The following PRDM15 variants were observed in gnomAD, a reference collection of about 807,000 sequenced individuals.
The protein encoded by PRDM15 is PR domain zinc finger protein 15.
In PRDM15, 64 loss-of-function variants were observed where a neutral mutation model predicts 128.6. The observed-to-expected ratio is 0.50, with a 90% CI of 0.41 to 0.61. The LOEUF is 0.61. PRDM15 is among the 20% of genes least tolerant of loss of function. The probability of loss-of-function intolerance (pLI) is 0.00; values close to 1 mark genes in which losing one functional copy is unlikely to be tolerated. For synonymous variants in PRDM15, 615 were observed against 621.8 expected (o/e 0.99, Z 0.16); for missense variants, 1,242 against 1,569.1 (o/e 0.79, Z 3.52).
chr21:41,853,834 A>C (rs1245829983), intron 5 of PRDM15, among the ~76,000 whole-genome samples: 1 of 152,214 alleles, frequency 6.6e-6, no homozygotes, highest in Non-Finnish European at 1.5e-5. Context: ...AGGCCATTGC[A>C]CGGTGAGCAG....
At chr21:41,870,574 G>A (rs1160231453) in intron 1 of PRDM15, 1 of 152,238 alleles carries the variant, frequency 6.6e-6, no homozygotes, top group Non-Finnish European at 1.5e-5. Flanking sequence ...GGTGGGTGGA[G>A]ACGGACTCTG....
intron 1 of PRDM15, among the ~76,000 whole-genome samples, chr21:41,875,266 A>T (rs934805222): frequency 6.6e-6 from 1 of 152,160 alleles, no homozygotes; most frequent in Non-Finnish European, 1.5e-5. Flanking sequence ...GTCCCTCTAC[A>T]TGCAGCACTT....
In PRDM15 at chr21:41,879,292, G is replaced by A. The variant is rs1450124846; in HGVS notation, c.-32C>T. On this transcript the variant is annotated 5_prime_UTR_variant, in exon 1 of 24. Coordinates refer to ENST00000398548, the MANE Select transcript of PRDM15 (RefSeq NM_001040424.3). The surrounding 1 kb of genome is among the most constrained non-coding windows in gnomAD (Gnocchi z 5.1). Reference sequence around the variant, plus strand: ...TACCTGCCTTTGGAATGTGCAGAGCGGGATCGGATCCGGACTCCGGGTTGC... The same window carrying A: ...TACCTGCCTTTGGAATGTGCAGAGCAGGATCGGATCCGGACTCCGGGTTGC... The A allele has an allele frequency of 1.9e-6, 2 of 1,078,344 alleles. No homozygotes were observed. The highest frequency in any genetic ancestry group is 2.3e-6 in the Non-Finnish European group (2 of 879,412). The allele number at this position is 1,078,344 out of a possible 1,614,324, so 66.8% of individuals were successfully genotyped here.
chr21:41,798,779 T>C lies in PRDM15; in HGVS notation c.*2461A>G, dbSNP rs2061355363. The stretch of plus-strand genomic sequence containing the variant: ...TTAAAAAACGAAATACTTCCTGTCA[T>C]GATGATCAATATGCAGAACTGCGTA... On this transcript the variant is annotated 3_prime_UTR_variant, in exon 24 of 24. Transcript: ENST00000398548. 6.6e-6 allele frequency: 1 copy of C among 152,262 alleles called. No homozygotes were observed. Among genetic ancestry groups the C allele is most frequent in the African/African-American group, 2.4e-5 (1 of 41,458 alleles). 9.4% of individuals were successfully genotyped at this position (152,262 alleles called of 1,614,324 possible).
intron 21 of PRDM15, among the ~76,000 whole-genome samples, chr21:41,805,118 T>C (rs1372505299): frequency 3.3e-5 from 5 of 152,322 alleles, no homozygotes; most frequent in South Asian, 4.1e-4. Flanking sequence ...TTCCCTCCAA[T>C]GGCCCCACTG....
At chr21:41,809,150 G>A (rs1032686810) in intron 21 of PRDM15, among the ~76,000 whole-genome samples, 11 of 152,118 alleles carry the variant, frequency 7.2e-5, no homozygotes, top group African/African-American at 2.2e-4. Context: ...AGTGCGCTTC[G>A]CGTGTTTCTC....
rs952998759 is a variant in PRDM15, at chr21:41,862,765, T to C, written c.-9-2393A>G. Among the ~76,000 whole-genome samples the C allele has an allele frequency of 1.3e-5, 2 of 152,080 alleles. No homozygotes were observed. Among genetic ancestry groups the C allele is most frequent in the Non-Finnish European group, 2.9e-5 (2 of 68,020 alleles). On this transcript the variant is annotated intron_variant, in intron 1 of 23. Coordinates refer to ENST00000398548, the MANE Select transcript of PRDM15 (RefSeq NM_001040424.3). The surrounding 1 kb of genome is among the most constrained non-coding windows in gnomAD (Gnocchi z 4.1). Reference sequence around the variant, plus strand: ...CTCCCTTTAACACTCAGAAAGTGCCTTCATAGAAGGGGAAGTGTGGTCTCC... The same window carrying C: ...CTCCCTTTAACACTCAGAAAGTGCCCTCATAGAAGGGGAAGTGTGGTCTCC...
intron 21 of PRDM15, among the ~76,000 whole-genome samples, chr21:41,806,319 T>C (rs867056168): frequency 5.0e-4 from 3 of 6,024 alleles, no homozygotes; most frequent in Admixed American, 2.0e-3. Context: ...ACCACCACCA[T>C]CACCACCACC....
chr21:41,840,894 A>G (rs2146635372), intron 6 of PRDM15, among the ~76,000 whole-genome samples: 1 of 152,310 alleles, frequency 6.6e-6, no homozygotes, highest in South Asian at 2.1e-4. Flanking sequence ...TAAAAACACA[A>G]TGTGTCGTAT....
chr21:41,873,273 T>C (rs917715934), intron 1 of PRDM15, among the ~76,000 whole-genome samples: 2 of 152,134 alleles, frequency 1.3e-5, no homozygotes, highest in Non-Finnish European at 1.5e-5. Context: ...GTAGTTTCCG[T>C]AGGAGGGCGC....
chr21:41,834,946 G>A (rs1455734384), intron 11 of PRDM15, among the ~76,000 whole-genome samples: 1 of 152,178 alleles, frequency 6.6e-6, no homozygotes, highest in Non-Finnish European at 1.5e-5. Context: ...ACACAAGCAG[G>A]CTCAGAACAA....
intron 5 of PRDM15, among the ~76,000 whole-genome samples, chr21:41,852,424 CA>C (rs2063458480): frequency 6.6e-6 from 1 of 152,222 alleles, no homozygotes; most frequent in African/African-American, 2.4e-5. Flanking sequence ...CCCAGCCTCG[CA>C]GGACTTGGAA....
chr21:41,836,369 G>C, intron 9 of PRDM15, 99 bp downstream of exon 9: 1 of 1,372,404 alleles, frequency 7.3e-7, no homozygotes, highest in Non-Finnish European at 1.0e-6. Context: ...CGCAGCTCGT[G>C]GGAGACGACC....
chr21:41,830,582 C>T (rs1283561789), intron 11 of PRDM15, among the ~76,000 whole-genome samples: 1 of 151,668 alleles, frequency 6.6e-6, no homozygotes, highest in African/African-American at 2.4e-5. Flanking sequence ...ACACACACCA[C>T]ACACCTCATA....
intron 6 of PRDM15, among the ~76,000 whole-genome samples, chr21:41,846,173 C>G (rs1209770361): frequency 6.6e-6 from 1 of 152,240 alleles, no homozygotes; most frequent in Admixed American, 6.5e-5. Context: ...CCCACCAGGC[C>G]TGGGGCCTCT....
chr21:41,809,816 G>C (rs2061802547), intron 21 of PRDM15, among the ~76,000 whole-genome samples: 1 of 152,086 alleles, frequency 6.6e-6, no homozygotes, highest in African/African-American at 2.4e-5. Context: ...TACTTTACTT[G>C]GCCCCAACAC....
intron 6 of PRDM15, among the ~76,000 whole-genome samples, chr21:41,845,346 C>T (rs1302003892): frequency 1.4e-5 from 2 of 146,134 alleles, no homozygotes. Context: ...CAGCCCCTCC[C>T]CGTTCACAGG....
At chr21:41,863,947 G>A (rs536022029) in intron 1 of PRDM15, among the ~76,000 whole-genome samples, 10 of 151,876 alleles carry the variant, frequency 6.6e-5, no homozygotes, top group Admixed American at 1.3e-4. Flanking sequence ...AAGTTCAAGC[G>A]ATTCTCCTGC....
In PRDM15 at chr21:41,860,337, G is replaced by A; in HGVS notation, c.27C>T (p.Ile9=). The part of the protein sequence containing the change: MAEDGSEE[I]MFIWCEDCSQ... The stretch of plus-strand genomic sequence containing the variant: ...CCCTGGGTCACTTACAGATGAACAT[G>A]ATCTCTTCGCTCCCATCTTCAGCCA... The change falls in exon 2 of 24, where the codon ATC becomes ATT. Residue 9 remains isoleucine (I), a synonymous_variant. Transcript: ENST00000398548. The A allele has an allele frequency of 1.9e-6, 3 of 1,613,862 alleles. No homozygotes were observed. Among genetic ancestry groups the A allele is most frequent in the East Asian group, 4.5e-5 (2 of 44,884 alleles).
Sources: allele counts gnomAD v4.1 joint callset (sites outside exome capture counted in the v4.1 genomes callset), GRCh38; gene constraint gnomAD v4.1.1; non-coding constraint Gnocchi (gnomAD v3.1); transcripts MANE v1.5; gene names NCBI Gene and HGNC (gene_info 2026-07-23, HGNC 2026-07-21).